Variants in BTLA observed in about 807,000 individuals in gnomAD.
The protein encoded by BTLA is B- and T-lymphocyte attenuator.
Under a neutral mutation model 25.0 loss-of-function variants are expected in BTLA, and 11 were observed. That is an observed-to-expected ratio of 0.44 (90% CI 0.28 to 0.73). The LOEUF is 0.73. Among genes scored for constraint, BTLA ranks in the 30% least tolerant of loss-of-function variants. BTLA has a pLI of 0.15. For synonymous variants in BTLA, 104 were observed against 119.8 expected (o/e 0.87, Z 0.86); for missense variants, 282 against 332.8 (o/e 0.85, Z 1.19).
chr3:112,465,300 TCTGA>T lies in BTLA; in HGVS notation c.*804_*807del, dbSNP rs1303058823. 1.3e-5 allele frequency: 2 copies of T among 152,668 alleles called. No homozygotes were observed. The highest frequency in any genetic ancestry group is 1.5e-5 in the Non-Finnish European group (1 of 68,038). The allele number at this position is 152,668 out of a possible 1,614,324, so 9.5% of individuals were successfully genotyped here. ...TCTTCACTTGCCCAGTGATACCTATTCTGACTAACTTTTAAACTATTCAGATGCC... is the reference window on the plus strand; with the variant it reads ...TCTTCACTTGCCCAGTGATACCTATTCTAACTTTTAAACTATTCAGATGCC... On this transcript the variant is annotated 3_prime_UTR_variant, in exon 5 of 5. Coordinates refer to ENST00000334529, the MANE Select transcript of BTLA (RefSeq NM_181780.4).
intron 1 of BTLA, among the ~76,000 whole-genome samples, chr3:112,493,841 G>A (rs924834791): frequency 7.2e-5 from 11 of 152,102 alleles, no homozygotes; most frequent in Non-Finnish European, 1.0e-4. Context: ...GGCTGGGCGC[G>A]GTGGCTCACG....
chr3:112,476,637 T>C (rs2082289964), intron 2 of BTLA, among the ~76,000 whole-genome samples: 1 of 152,220 alleles, frequency 6.6e-6, no homozygotes, highest in Non-Finnish European at 1.5e-5. Flanking sequence ...TTTCTTATAA[T>C]TAAAGGGCAC....
At chr3:112,491,574 T>C (rs938486814) in intron 1 of BTLA, among the ~76,000 whole-genome samples, 4 of 152,214 alleles carry the variant, frequency 2.6e-5, no homozygotes, top group Non-Finnish European at 4.4e-5. Flanking sequence ...AACCCAGGTG[T>C]GGCTAACTCC....
chr3:112,484,656 A>G (rs1246810700), intron 1 of BTLA, among the ~76,000 whole-genome samples: 2 of 152,226 alleles, frequency 1.3e-5, no homozygotes, highest in Non-Finnish European at 2.9e-5. Flanking sequence ...TAGTGGCACA[A>G]TTAGACATCA....
chr3:112,487,720 A>G (rs1019343488), intron 1 of BTLA, among the ~76,000 whole-genome samples: 5 of 152,218 alleles, frequency 3.3e-5, no homozygotes, highest in Admixed American at 1.3e-4. Flanking sequence ...TCTAGCACAA[A>G]GAAGAGGCTG....
At position 112,479,528 on chromosome 3, in the gene BTLA, A is replaced by G. The variant is rs780419380; in HGVS notation, c.330T>C (p.Asn110=). The change falls in exon 2 of 5, where the codon AAT becomes AAC. Residue 110 remains asparagine (N), a synonymous_variant. Coordinates refer to ENST00000334529, the MANE Select transcript of BTLA (RefSeq NM_181780.4). ...LHFEPVLPND[N]GSYRCSANFQ... ...AATTTGCAGAACAGCGGTATGACCC[A>G]TTGTCATTAGGAAGCACTGGTTCAA... is the stretch of plus-strand genomic sequence containing the variant. The G allele has an allele frequency of 1.1e-5, 18 of 1,614,120 alleles. No homozygotes were observed. The highest frequency in any genetic ancestry group is 1.7e-5 in the Admixed American group (1 of 60,024).
chr3:112,468,965 C>T (rs2082245210), intron 4 of BTLA, among the ~76,000 whole-genome samples: 1 of 152,146 alleles, frequency 6.6e-6, no homozygotes, highest in Non-Finnish European at 1.5e-5. Context: ...AGGGTTACTA[C>T]TTCTTTATCA....
At chr3:112,488,307 A>C (rs2082360347) in intron 1 of BTLA, among the ~76,000 whole-genome samples, 1 of 142,538 alleles carries the variant, frequency 7.0e-6, no homozygotes, top group African/African-American at 2.6e-5. Context: ...CGCTCACTGC[A>C]AGCCTCCCGG....
chr3:112,467,226 C>T lies in BTLA; in HGVS notation c.595-843G>A, dbSNP rs150809996. Among the ~76,000 whole-genome samples, 1,343 of 152,164 alleles carry T rather than the reference C, an allele frequency of 8.8e-3. 52 individuals carry two copies. The highest frequency in any genetic ancestry group is 0.075 in the East Asian group (386 of 5,178). On this transcript the variant is annotated intron_variant, in intron 4 of 4. Coordinates refer to ENST00000334529, the MANE Select transcript of BTLA (RefSeq NM_181780.4). The stretch of plus-strand genomic sequence containing the variant: ...CCGCCCGCCTCGGCCTCCCAAAGTG[C>T]GAGGATTATAGACGTGAGCCACCAC...
At chr3:112,470,415 A>T (rs2082255955) in intron 3 of BTLA, 1 of 152,310 alleles carries the variant, frequency 6.6e-6, no homozygotes, top group South Asian at 2.1e-4. Flanking sequence ...CACACAGAAT[A>T]AGTGTTGCTC....
chr3:112,466,279 A>G lies in BTLA; in HGVS notation c.699T>C (p.Cys233=). ...TGIYDNDPDL[C]FRMQEGSEVY... The stretch of plus-strand genomic sequence containing the variant: ...CTTCAGACCCTTCCTGCATCCTGAA[A>G]CAAAGGTCAGGGTCATTATCATAAA... The change falls in exon 5 of 5, where the codon TGT becomes TGC. Residue 233 remains cysteine, a synonymous_variant. Transcript: ENST00000334529. The G allele has an allele frequency of 1.2e-6, 2 of 1,614,080 alleles. No homozygotes were observed. The highest frequency in any genetic ancestry group is 1.7e-6 in the Non-Finnish European group (2 of 1,179,976).
intron 1 of BTLA, among the ~76,000 whole-genome samples, chr3:112,480,899 C>A (rs2082314627): frequency 6.6e-6 from 1 of 152,110 alleles, no homozygotes; most frequent in Non-Finnish European, 1.5e-5. Context: ...ATTCAAAACA[C>A]TAAATTCAGA....
At chr3:112,469,601 G>A (rs1275348435) in intron 4 of BTLA, among the ~76,000 whole-genome samples, 157 bp downstream of exon 4, 5 of 61,710 alleles carry the variant, frequency 8.1e-5, no homozygotes, top group Non-Finnish European at 1.6e-4. Context: ...TTAAAAATGG[G>A]TCTATGTATA....
chr3:112,491,530 A>T (rs979819911), intron 1 of BTLA, among the ~76,000 whole-genome samples: 6 of 152,158 alleles, frequency 3.9e-5, no homozygotes, highest in Non-Finnish European at 7.3e-5. Flanking sequence ...CAAGATCACC[A>T]GCTGGTAGGA....
rs55894234 is a variant in BTLA, at chr3:112,490,604, A to AACACACACAC, written c.88+8657_88+8666dup. ...AGAAGAGCCATTTTCTCCCTGGGTA[A>AACACACACAC]ACACACACACACACACACACACACA... is the stretch of plus-strand genomic sequence containing the variant. On this transcript the variant is annotated intron_variant, in intron 1 of 4. Transcript: ENST00000334529. Among the ~76,000 whole-genome samples the AACACACACAC allele has an allele frequency of 6.0e-4, 86 of 142,338 alleles. 1 individual carries two copies. The highest frequency in any genetic ancestry group is 2.1e-3 in the African/African-American group (80 of 38,950). 93.4% of individuals were successfully genotyped at this position (142,338 alleles called of 152,430 possible).
chr3:112,499,022 C>T (rs1304147812), intron 1 of BTLA, among the ~76,000 whole-genome samples: 2 of 152,164 alleles, frequency 1.3e-5, no homozygotes, highest in African/African-American at 4.8e-5. Context: ...TCTTTTCCTA[C>T]CATCAACATG....
chr3:112,499,275 G>C lies in BTLA; in HGVS notation c.84C>G (p.Ile28Met), dbSNP rs2082428498. 1 of 1,599,716 alleles carries C rather than the reference G, an allele frequency of 6.3e-7. No homozygotes were observed. The change falls in exon 1 of 5, where the codon ATC becomes ATG. Residue 28 changes from isoleucine (I) to methionine (M), a missense_variant. Around this residue, in one of 2 missense-constraint regions of BTLA, gnomAD observed 163 missense variants for 230.4 expected, o/e 0.71. Coordinates refer to ENST00000334529, the MANE Select transcript of BTLA (RefSeq NM_181780.4). ...FLIPYLDIWN[I>M]HGKESCDVQL... ...TAACCTAAGCAGGTGCCTTACCATG[G>C]ATGTTCCAGATGTCCAGATATGGGA... is the stretch of plus-strand genomic sequence containing the variant.
At chr3:112,484,613 T>G (rs540376108) in intron 1 of BTLA, among the ~76,000 whole-genome samples, 3 of 152,340 alleles carry the variant, frequency 2.0e-5, no homozygotes, top group African/African-American at 7.2e-5. Flanking sequence ...ATATATTACC[T>G]TTCTATTTAG....
chr3:112,483,692 G>T (rs1315085211), intron 1 of BTLA, among the ~76,000 whole-genome samples: 2 of 151,950 alleles, frequency 1.3e-5, no homozygotes, highest in African/African-American at 2.4e-5. Flanking sequence ...ACAAGGCCGG[G>T]CATGGTGGCT....
Sources: gnomAD v4.1 joint callset for allele counts (sites outside exome capture counted in the v4.1 genomes callset) on GRCh38, gnomAD v4.1.1 for gene constraint, gnomAD v4.1.1 regional missense constraint, MANE v1.5 for transcripts, NCBI Gene and HGNC (gene_info 2026-07-23, HGNC 2026-07-21) for gene names.